ORC5: variants seen among roughly 807,000 people sequenced by gnomAD.
ORC5 encodes the protein origin recognition complex subunit 5.
In ORC5, 39 loss-of-function variants were observed where a neutral mutation model predicts 58.8. The ratio of observed to expected loss-of-function variants is 0.66; its 90% CI spans 0.51 to 0.87. The LOEUF (loss-of-function observed/expected upper bound fraction) is 0.87. Ranked by LOEUF, ORC5 falls within the 40% of genes least tolerant of loss-of-function variation. ORC5 has a pLI of 0.00. For synonymous variants in ORC5, 218 were observed against 177.6 expected, an observed-to-expected ratio of 1.23 and a Z score of -1.81; for missense variants, 493 against 506.3, an observed-to-expected ratio of 0.97 and a Z score of 0.25.
Position 104,194,221 on chromosome 7 carries a change from T to C in ORC5, c.553+922A>G, listed in dbSNP as rs191595238. 8.4e-4 allele frequency among the ~76,000 whole-genome samples: 127 copies of C among 151,020 alleles called. 1 individual carries two copies. Among genetic ancestry groups the C allele is most frequent in the African/African-American group, 3.0e-3 (123 of 41,218 alleles). On this transcript the variant is annotated intron_variant, in intron 5 of 13. Coordinates refer to ENST00000297431, the MANE Select transcript of ORC5 (RefSeq NM_002553.4). ...ACTCCATCTATTTTGGGTTGCTGTT[T>C]AAAAAAAAACTCAGCTAATTGGCTA... is the stretch of plus-strand genomic sequence containing the variant.
At chr7:104,149,062 G>C (rs1486874269) in intron 12 of ORC5, among the ~76,000 whole-genome samples, 3 of 151,488 alleles carry the variant, frequency 2.0e-5, no homozygotes, top group Non-Finnish European at 4.4e-5. Flanking sequence ...TAAATTTAAG[G>C]TTGGGGGAAA....
intron 12 of ORC5, among the ~76,000 whole-genome samples, chr7:104,156,333 C>T (rs77649982): frequency 0.045 from 6,768 of 151,818 alleles, 496 homozygotes; most frequent in African/African-American, 0.15. Context: ...CTATTCTCTT[C>T]ACTTACTTGT....
At chr7:104,172,652 T>C (rs1799235273) in intron 8 of ORC5, among the ~76,000 whole-genome samples, 1 of 152,180 alleles carries the variant, frequency 6.6e-6, no homozygotes, top group Non-Finnish European at 1.5e-5. Context: ...TATAAGACAC[T>C]TCAATATTTA....
intron 10 of ORC5, 41 bp downstream of exon 10, chr7:104,166,731 G>T (rs1304566995): frequency 2.8e-6 from 3 of 1,086,560 alleles, no homozygotes; most frequent in South Asian, 1.4e-5. Context: ...ATATTCCTGG[G>T]ATCTTAAAAA....
chr7:104,199,045 G>C (rs1376306080), intron 3 of ORC5, among the ~76,000 whole-genome samples: 1 of 152,228 alleles, frequency 6.6e-6, no homozygotes, highest in African/African-American at 2.4e-5. Context: ...CCTCTGCCTA[G>C]ATTTCAGAGG....
intron 12 of ORC5, among the ~76,000 whole-genome samples, chr7:104,144,396 T>C (rs1798722195): frequency 6.6e-6 from 1 of 152,222 alleles, no homozygotes; most frequent in Non-Finnish European, 1.5e-5. Flanking sequence ...AATCCTTAAA[T>C]TGGCTAATTT....
rs1034433602 is a variant in ORC5 at position 104,166,811 on chromosome 7, T to C, written c.951A>G (p.Ser317=). 1.8e-5 allele frequency: 29 copies of C among 1,611,940 alleles called. No individual in the cohort carries two copies. In the East Asian group the frequency reaches 2.5e-4, roughly 14 times the overall value. ...KFILIAAYLA[S]YNPARTDKRF... ...TCTTGTCAGTTCTTGCTGGATTGTA[T>C]GAAGCAAGGTATGCAGCAATTAGAA... The change falls in exon 10 of 14, where the codon TCA becomes TCG. Residue 317 remains serine (S), a synonymous_variant. Coordinates refer to ENST00000297431, the MANE Select transcript of ORC5 (RefSeq NM_002553.4).
At chr7:104,155,251 T>C (rs1034691458) in intron 12 of ORC5, among the ~76,000 whole-genome samples, 2 of 151,652 alleles carry the variant, frequency 1.3e-5, no homozygotes, top group African/African-American at 4.8e-5. Context: ...ACAGAAAAGG[T>C]ATATATTTGT....
intron 13 of ORC5, among the ~76,000 whole-genome samples, chr7:104,135,245 A>G (rs1798571740): frequency 6.6e-6 from 1 of 152,198 alleles, no homozygotes; most frequent in Non-Finnish European, 1.5e-5. Context: ...AGAGGCTCTT[A>G]GATATAAAGT....
At chr7:104,162,466 A>G (rs748405874) in intron 11 of ORC5, among the ~76,000 whole-genome samples, 27 of 152,358 alleles carry the variant, frequency 1.8e-4, no homozygotes, top group Non-Finnish European at 3.2e-4. Flanking sequence ...CCAGCTACAA[A>G]TAAGTACTTT....
chr7:104,205,262 G>C (rs1022457462), intron 1 of ORC5, among the ~76,000 whole-genome samples: 2 of 151,450 alleles, frequency 1.3e-5, no homozygotes, highest in African/African-American at 4.9e-5. Context: ...GCTAATTTTT[G>C]TATTTTTAGT....
At chr7:104,158,412 A>G (rs1177770484) in intron 12 of ORC5, among the ~76,000 whole-genome samples, 1 of 152,132 alleles carries the variant, frequency 6.6e-6, no homozygotes, top group African/African-American at 2.4e-5. Flanking sequence ...GGACATAGGC[A>G]TGGGCAAGGA....
intron 12 of ORC5, among the ~76,000 whole-genome samples, chr7:104,146,545 G>A (rs194865): frequency 0.61 from 92,796 of 152,048 alleles, 30,362 homozygotes; most frequent in African/African-American, 0.85. Context: ...CTGACTCAAA[G>A]AAGTTAATTC....
intron 12 of ORC5, among the ~76,000 whole-genome samples, chr7:104,160,415 T>A (rs1039684153): frequency 4.6e-5 from 7 of 152,214 alleles, no homozygotes; most frequent in African/African-American, 1.7e-4. Flanking sequence ...ACTAGTTATA[T>A]CATTTTGCTT....
At chr7:104,200,028 C>A (rs1266577576) in intron 3 of ORC5, among the ~76,000 whole-genome samples, 1 of 152,116 alleles carries the variant, frequency 6.6e-6, no homozygotes, top group Admixed American at 6.5e-5. Context: ...GAAGCAGGTG[C>A]CTTGCTTCCC....
intron 6 of ORC5, among the ~76,000 whole-genome samples, chr7:104,185,434 T>C (rs1042715673): frequency 2.6e-5 from 4 of 152,132 alleles, no homozygotes; most frequent in African/African-American, 9.7e-5. Flanking sequence ...ATAAAACATA[T>C]AATGAAAAAC....
rs1444773525 is a variant in ORC5, at chr7:104,126,640, A to G, written c.*208T>C. 3 of 478,012 alleles carry G rather than the reference A, an allele frequency of 6.3e-6. No homozygotes were observed. The highest frequency in any genetic ancestry group is 1.1e-5 in the Non-Finnish European group (3 of 272,254). The allele number at this position is 478,012 out of a possible 1,614,324, so 29.6% of individuals were successfully genotyped here. Reference sequence around the variant, plus strand: ...TTTATAATTAACACGTTGCTTCCAAATACTCCAGGGTCCCTGGTAAATAGT... The same window carrying G: ...TTTATAATTAACACGTTGCTTCCAAGTACTCCAGGGTCCCTGGTAAATAGT... On this transcript the variant is annotated 3_prime_UTR_variant, in exon 14 of 14. Transcript: ENST00000297431.
intron 12 of ORC5, among the ~76,000 whole-genome samples, chr7:104,146,446 G>C (rs534145548): frequency 1.8e-4 from 28 of 152,250 alleles, no homozygotes; most frequent in African/African-American, 6.7e-4. Context: ...ACAAACTGTG[G>C]TATATGTATA....
chr7:104,163,963 T>A (rs1437245915), intron 11 of ORC5, among the ~76,000 whole-genome samples: 1 of 152,170 alleles, frequency 6.6e-6, no homozygotes, highest in Admixed American at 6.5e-5. Context: ...AAACCAAGAG[T>A]ATGAAATATC....
Sources: gnomAD v4.1 joint callset for allele counts (sites outside exome capture counted in the v4.1 genomes callset) on GRCh38, gnomAD v4.1.1 for gene constraint, MANE v1.5 for transcripts, NCBI Gene and HGNC (gene_info 2026-07-23, HGNC 2026-07-21) for gene names.